TDRD3: variants seen among roughly 807,000 people sequenced by gnomAD.
TDRD3 encodes tudor domain-containing protein 3.
Under a neutral mutation model 86.7 loss-of-function variants are expected in TDRD3, and 45 were observed. The observed-to-expected ratio is 0.52, with a 90% CI of 0.41 to 0.67. The LOEUF is 0.67. TDRD3 is among the 30% of genes least tolerant of loss of function. The pLI, the probability that TDRD3 is intolerant of heterozygous loss-of-function variation, is 0.00. For missense variants in TDRD3, 814 were observed against 889.0 expected (o/e 0.92, Z 1.07); for synonymous variants, 298 against 301.7 (o/e 0.99, Z 0.13).
At chr13:60,513,756 G>A (rs1957108729) in intron 10 of TDRD3, among the ~76,000 whole-genome samples, 1 of 152,202 alleles carries the variant, frequency 6.6e-6, no homozygotes, top group South Asian at 2.1e-4. Flanking sequence ...ATCCACATAA[G>A]ATGTGACTTG....
rs1322014301 is a variant in TDRD3 at position 60,567,644 on chromosome 13, G to T, written c.*3G>T. 1 of 1,613,794 alleles carries T rather than the reference G, an allele frequency of 6.2e-7. No homozygotes were observed. Among genetic ancestry groups the T allele is most frequent in the South Asian group, 1.1e-5 (1 of 91,006 alleles). On this transcript the variant is annotated 3_prime_UTR_variant, in exon 13 of 14. Coordinates refer to ENST00000377881, the MANE Select transcript of TDRD3 (RefSeq NM_001146070.2). ...AACCACCCCGGGCTCGGAACTAATA[G>T]GAAAAGGTAAACTTAACATTGTGAA...
chr13:60,548,723 G>C (rs1191804074), intron 12 of TDRD3, among the ~76,000 whole-genome samples: 2 of 151,970 alleles, frequency 1.3e-5, no homozygotes, highest in African/African-American at 4.8e-5. Flanking sequence ...ACCAATTAGT[G>C]GAAAAAATGA....
chr13:60,460,480 A>G lies in TDRD3; in HGVS notation c.293A>G (p.Gln98Arg), dbSNP rs776142902. The change falls in exon 4 of 14, where the codon CAG becomes CGG. Residue 98 changes from glutamine (Q) to arginine (R), a missense_variant. Coordinates refer to ENST00000377881, the MANE Select transcript of TDRD3 (RefSeq NM_001146070.2). ...GCTGCACCAAGGATGCTGCGATTAC[A>G]GATGACTGATGGTCATATAAGTTGC... ...SQAAPRMLRL[Q>R]MTDGHISCTA... is the part of the protein sequence containing the mutation. 6 of 1,589,122 alleles carry G rather than the reference A, an allele frequency of 3.8e-6. No homozygotes were observed. Among genetic ancestry groups the G allele is most frequent in the Non-Finnish European group, 3.4e-6 (4 of 1,172,838 alleles).
At position 60,397,309 on chromosome 13, in the gene TDRD3, G is replaced by A. The variant is rs1391460038; in HGVS notation, c.-56G>A. ...TTAAGGGGGGGGGTCTCAAGTAGGA[G>A]GCCTCCCCATCACCCCCACCCCAGC... On this transcript the variant is annotated 5_prime_UTR_variant, in exon 1 of 14. Coordinates refer to ENST00000377881, the MANE Select transcript of TDRD3 (RefSeq NM_001146070.2). The A allele has an allele frequency of 1.1e-6, 1 of 939,808 alleles. No homozygotes were observed. Among genetic ancestry groups the A allele is most frequent in the East Asian group, 3.1e-5 (1 of 31,972 alleles). 58.2% of individuals were successfully genotyped at this position (939,808 alleles called of 1,614,324 possible). A position where few individuals can be genotyped will look rare whatever the true frequency, so the allele number is the denominator to read the frequency against.
intron 1 of TDRD3, among the ~76,000 whole-genome samples, chr13:60,424,244 A>ATCTCCTGACCTCGTGATCCACCCACC (rs11270071): frequency 0.11 from 16,664 of 151,180 alleles, 1,249 homozygotes; most frequent in African/African-American, 0.21. Context: ...GATGGTCTGG[A>ATCTCCTGACCTCGTGATCCACCCACC]TCTCCTGACC....
intron 12 of TDRD3, among the ~76,000 whole-genome samples, chr13:60,542,711 TC>T (rs1374421759): frequency 7.2e-5 from 11 of 152,216 alleles, no homozygotes; most frequent in African/African-American, 2.7e-4. Flanking sequence ...TATGTATGTC[TC>T]TACTTAATAC....
chr13:60,417,320 C>A (rs1224840704), intron 1 of TDRD3, among the ~76,000 whole-genome samples: 3 of 148,860 alleles, frequency 2.0e-5, no homozygotes, highest in Non-Finnish European at 4.5e-5. Flanking sequence ...TTGACCCAGT[C>A]TCATTTGCTT....
At chr13:60,429,121 C>G (rs61970126) in intron 1 of TDRD3, among the ~76,000 whole-genome samples, 22,828 of 152,110 alleles carry the variant, frequency 0.15, 2,153 homozygotes, top group South Asian at 0.28. Flanking sequence ...ATATATGGGA[C>G]TATTTCACTC....
intron 8 of TDRD3, among the ~76,000 whole-genome samples, chr13:60,502,640 G>A (rs1213577553): frequency 6.6e-6 from 1 of 152,074 alleles, no homozygotes; most frequent in Non-Finnish European, 1.5e-5. Flanking sequence ...CTGTGAGTTG[G>A]GTGATCTTCT....
intron 10 of TDRD3, among the ~76,000 whole-genome samples, chr13:60,528,141 CTT>C (rs1268704438): frequency 2.0e-5 from 3 of 152,042 alleles, no homozygotes; most frequent in African/African-American, 7.2e-5. Context: ...TCTGTGGTCC[CTT>C]TTACTACTTT....
At chr13:60,398,767 TAC>T (rs1954013255) in intron 1 of TDRD3, among the ~76,000 whole-genome samples, 1 of 152,232 alleles carries the variant, frequency 6.6e-6, no homozygotes, top group African/African-American at 2.4e-5. Flanking sequence ...TTATTGTTGT[TAC>T]AGTTTTTTCG....
intron 7 of TDRD3, among the ~76,000 whole-genome samples, chr13:60,491,419 G>A (rs933764038): frequency 2.0e-5 from 3 of 152,192 alleles, no homozygotes; most frequent in Non-Finnish European, 4.4e-5. Context: ...CCAAAGGAAT[G>A]AGTGTTGATA....
At chr13:60,490,304 TGAA>T (rs1245052612) in intron 7 of TDRD3, among the ~76,000 whole-genome samples, 1 of 152,076 alleles carries the variant, frequency 6.6e-6, no homozygotes, top group Non-Finnish European at 1.5e-5. Flanking sequence ...AGCCAAGACT[TGAA>T]GGAGGTACGA....
At chr13:60,438,590 G>A (rs1247081697) in intron 1 of TDRD3, among the ~76,000 whole-genome samples, 1 of 152,000 alleles carries the variant, frequency 6.6e-6, no homozygotes, top group African/African-American at 2.4e-5. Flanking sequence ...TTGCTCTTCT[G>A]TACTGTTCTA....
chr13:60,444,769 C>G (rs1444087742), intron 3 of TDRD3, 21 bp downstream of exon 3: 1 of 1,317,622 alleles, frequency 7.6e-7, no homozygotes, highest in African/African-American at 1.5e-5. Flanking sequence ...TCAATAACTT[C>G]TTACATTAAT....
chr13:60,546,062 A>G (rs1396592260), intron 12 of TDRD3, among the ~76,000 whole-genome samples: 1 of 152,168 alleles, frequency 6.6e-6, no homozygotes, highest in Non-Finnish European at 1.5e-5. Context: ...TAAATAGAGC[A>G]TCATTTAAAG....
At position 60,510,057 on chromosome 13, in the gene TDRD3, G is replaced by A. The variant is rs899509039; in HGVS notation, c.1015+138G>A. 1.3e-5 allele frequency: 12 copies of A among 934,726 alleles called. No individual in the cohort carries two copies. The Admixed American group carries it at 3.4e-4, about 27-fold the overall frequency. 57.9% of individuals were successfully genotyped at this position (934,726 alleles called of 1,614,324 possible). A position where few individuals can be genotyped will look rare whatever the true frequency, so the allele number is the denominator to read the frequency against. Reference sequence around the variant, plus strand: ...GTAAGTGGAAGGAACACCAGTTTGGGAACCATAGAGACATTTGTAGTCTCA... The same window carrying A: ...GTAAGTGGAAGGAACACCAGTTTGGAAACCATAGAGACATTTGTAGTCTCA... On this transcript the variant is annotated intron_variant, in intron 9 of 13. Transcript: ENST00000377881.
chr13:60,573,322 T>C (rs1336814239), intron 13 of TDRD3, among the ~76,000 whole-genome samples: 2 of 152,202 alleles, frequency 1.3e-5, no homozygotes, highest in African/African-American at 4.8e-5. Context: ...AACAGTTCGG[T>C]TAATCCAAAT....
intron 1 of TDRD3, among the ~76,000 whole-genome samples, chr13:60,417,028 T>C (rs1327958958): frequency 2.0e-5 from 3 of 151,862 alleles, no homozygotes; most frequent in Non-Finnish European, 4.4e-5. Flanking sequence ...TCTTTTTTTT[T>C]TTTTTTGAGT....
Sources: allele counts gnomAD v4.1 joint callset (sites outside exome capture counted in the v4.1 genomes callset), GRCh38; gene constraint gnomAD v4.1.1; transcripts MANE v1.5; gene names NCBI Gene and HGNC (gene_info 2026-07-23, HGNC 2026-07-21).